Variants in KLF12 observed in about 807,000 individuals in gnomAD.
The protein encoded by KLF12 is KLF transcription factor 12, also known as Krueppel-like factor 12.
Under a neutral mutation model 37.8 loss-of-function variants are expected in KLF12, and 9 were observed. The observed-to-expected ratio is 0.24, with a 90% CI of 0.14 to 0.42. KLF12 has a LOEUF of 0.42. Ranked by LOEUF, KLF12 falls within the 10% of genes least tolerant of loss-of-function variation. KLF12 has a pLI of 1.00. For missense variants in KLF12, 411 were observed against 516.0 expected, an observed-to-expected ratio of 0.80 and a Z score of 1.97; for synonymous variants, 208 against 202.1, an observed-to-expected ratio of 1.03 and a Z score of -0.25.
At chr13:74,173,387 C>G in the KLF12 span, among the ~76,000 whole-genome samples, 1 of 152,172 alleles carries the variant, frequency 6.6e-6, no homozygotes, top group Non-Finnish European at 1.5e-5. Context: ...GCTGGGCCAC[C>G]TTTCCCAGCC....
intron 6 of KLF12, among the ~76,000 whole-genome samples, chr13:73,717,966 A>G (rs1875941259): frequency 2.8e-5 from 4 of 142,538 alleles, no homozygotes. Flanking sequence ...TATTTCCTGA[A>G]AAAAAGGAAG....
intron 2 of KLF12, among the ~76,000 whole-genome samples, chr13:73,961,377 C>T (rs1744368661): frequency 2.0e-5 from 3 of 152,050 alleles, no homozygotes; most frequent in African/African-American, 7.2e-5. Flanking sequence ...GCTGAACAAA[C>T]CGAAAAAATC....
chr13:74,189,845 T>A, the KLF12 span, among the ~76,000 whole-genome samples: 125 of 152,322 alleles, frequency 8.2e-4, no homozygotes, highest in Non-Finnish European at 1.4e-3. Flanking sequence ...CATTAAAAAA[T>A]TTTTTAATGA....
At chr13:73,965,651 C>A (rs1891152328) in intron 2 of KLF12, among the ~76,000 whole-genome samples, 1 of 152,184 alleles carries the variant, frequency 6.6e-6, no homozygotes, top group Non-Finnish European at 1.5e-5. Context: ...AGACAACATT[C>A]ACGCACATAA....
chr13:74,019,586 G>C (rs907545539), intron 1 of KLF12, among the ~76,000 whole-genome samples: 10 of 152,178 alleles, frequency 6.6e-5, no homozygotes, highest in Non-Finnish European at 1.3e-4. Flanking sequence ...TTAAATAAAA[G>C]TAGGTAGCAG....
intron 1 of KLF12, among the ~76,000 whole-genome samples, chr13:74,123,588 A>C (rs1362629531): frequency 6.6e-6 from 1 of 152,218 alleles, no homozygotes; most frequent in Non-Finnish European, 1.5e-5. Context: ...GATGTCTCTA[A>C]CTGCACACTC....
At chr13:73,730,595 G>C (rs1347396091) in intron 6 of KLF12, among the ~76,000 whole-genome samples, 1 of 152,124 alleles carries the variant, frequency 6.6e-6, no homozygotes. Flanking sequence ...GTGTAATGAA[G>C]TGTTATGGGA....
chr13:73,920,796 G>A (rs1261580861), intron 3 of KLF12, among the ~76,000 whole-genome samples: 1 of 151,976 alleles, frequency 6.6e-6, no homozygotes, highest in Non-Finnish European at 1.5e-5. Flanking sequence ...CCAAAGTATG[G>A]CTCTTTGACT....
chr13:74,286,274 G>A, the KLF12 span, among the ~76,000 whole-genome samples: 1 of 152,132 alleles, frequency 6.6e-6, no homozygotes, highest in Non-Finnish European at 1.5e-5. Context: ...ACAGATAAAA[G>A]TACAAATGTG....
the KLF12 span, among the ~76,000 whole-genome samples, chr13:74,237,732 G>C: frequency 6.6e-6 from 1 of 152,096 alleles, no homozygotes; most frequent in Non-Finnish European, 1.5e-5. Context: ...CTCATGATTT[G>C]GCTCTCTGTT....
At position 74,071,533 on chromosome 13, in the gene KLF12, AT is replaced by A. The variant is rs779861687; in HGVS notation, c.-32+62205del. ...AACCCCGTCTCTACTAAAAAAAAAA[AT>A]ACAAAAAAATTAGCCGGGCGTGGTG... is the stretch of plus-strand genomic sequence containing the variant. On this transcript the variant is annotated intron_variant, in intron 1 of 7. Coordinates refer to ENST00000377669, the MANE Select transcript of KLF12 (RefSeq NM_007249.5). Among the ~76,000 whole-genome samples, 1,309 of 144,194 alleles carry A rather than the reference AT, an allele frequency of 9.1e-3. 20 individuals carry two copies. The highest frequency in any genetic ancestry group is 0.014 in the Non-Finnish European group (906 of 65,014). 94.6% of individuals were successfully genotyped at this position (144,194 alleles called of 152,430 possible). A position where few individuals can be genotyped will look rare whatever the true frequency, so the allele number is the denominator to read the frequency against.
At chr13:73,798,889 G>A (rs146640090) in intron 5 of KLF12, among the ~76,000 whole-genome samples, 21 of 152,250 alleles carry the variant, frequency 1.4e-4, no homozygotes, top group African/African-American at 4.1e-4. Flanking sequence ...ACTACCATTG[G>A]ATCCAGTAAT....
intron 2 of KLF12, among the ~76,000 whole-genome samples, chr13:73,967,948 T>G (rs1891218922): frequency 1.3e-5 from 2 of 152,362 alleles, no homozygotes; most frequent in East Asian, 3.9e-4. Flanking sequence ...TCTTGAGTTC[T>G]TGTATCTGCA....
chr13:73,753,595 A>G (rs1489518912), intron 6 of KLF12, among the ~76,000 whole-genome samples: 1 of 152,144 alleles, frequency 6.6e-6, no homozygotes, highest in Admixed American at 6.6e-5. Context: ...TGCAGGCACA[A>G]TAATTTTACT....
At chr13:74,021,993 A>C (rs1892852817) in intron 1 of KLF12, among the ~76,000 whole-genome samples, 1 of 152,204 alleles carries the variant, frequency 6.6e-6, no homozygotes, top group Admixed American at 6.5e-5. Context: ...AAGCATGTGG[A>C]CAAAGCAAGG....
At chr13:74,297,586 G>T in the KLF12 span, among the ~76,000 whole-genome samples, 2 of 152,160 alleles carry the variant, frequency 1.3e-5, no homozygotes, top group East Asian at 3.9e-4. Flanking sequence ...GTCTAGCTGG[G>T]AGCTAATATC....
At chr13:73,775,474 T>C (rs762624137) in intron 5 of KLF12, among the ~76,000 whole-genome samples, 2 of 152,188 alleles carry the variant, frequency 1.3e-5, no homozygotes, top group South Asian at 2.1e-4. Flanking sequence ...GTTATACAGA[T>C]CCCAAATTTT....
the KLF12 span, among the ~76,000 whole-genome samples, chr13:74,211,353 C>T: frequency 5.3e-5 from 8 of 152,004 alleles, no homozygotes; most frequent in African/African-American, 1.7e-4. Context: ...ACCATCAGGT[C>T]GGGGTAAGGA....
chr13:73,887,932 T>A (rs1348625222), intron 3 of KLF12, among the ~76,000 whole-genome samples: 3 of 152,228 alleles, frequency 2.0e-5, no homozygotes, highest in Non-Finnish European at 2.9e-5. Flanking sequence ...TGCTCTTTTG[T>A]AAATCTGTTT....
Sources: allele counts gnomAD v4.1 joint callset (sites outside exome capture counted in the v4.1 genomes callset), GRCh38; gene constraint gnomAD v4.1.1; transcripts MANE v1.5; gene names NCBI Gene and HGNC (gene_info 2026-07-23, HGNC 2026-07-21).